GRIK1: variants seen among roughly 807,000 people sequenced by gnomAD.
The protein encoded by GRIK1 is glutamate ionotropic receptor kainate type subunit 1, also known as glutamate receptor ionotropic, kainate 1.
In GRIK1, 69 loss-of-function variants were observed where a neutral mutation model predicts 105.7. The ratio of observed to expected loss-of-function variants is 0.65; its 90% CI spans 0.54 to 0.80. GRIK1 has a LOEUF of 0.80. Among genes scored for constraint, GRIK1 ranks in the 30% least tolerant of loss-of-function variants. GRIK1 has a pLI of 0.00. For missense variants in GRIK1, 1,109 were observed against 1,167.3 expected (o/e 0.95, Z 0.73); for synonymous variants, 438 against 431.3 (o/e 1.02, Z -0.19).
chr21:29,555,158 T>C lies in GRIK1; in HGVS notation c.2501A>G (p.Asn834Ser). 2 of 1,613,912 alleles carry C rather than the reference T, an allele frequency of 1.2e-6. No individual in the cohort carries two copies. Among genetic ancestry groups the C allele is most frequent in the African/African-American group, 2.7e-5 (2 of 75,012 alleles). Residue 834 changes from asparagine to serine, a missense_variant, in exon 16 of 18, where the codon AAT becomes AGT. By Grantham distance (46) the Asn-to-Ser change is conservative. Around this residue, in one of 5 missense-constraint regions of GRIK1, gnomAD observed 161 missense variants for 143.4 expected, o/e 1.12. Transcript: ENST00000327783. ...CAGAACAATGAAGATGCCTCCAATA[T>C]TTTCCACTCCCAGGGCACTGGCTTC... ...NKEASALGVENIGGIFIVLAA... is the reference protein window; with the variant it reads ...NKEASALGVESIGGIFIVLAA...
At chr21:29,868,449 G>A (rs186866762) in intron 1 of GRIK1, among the ~76,000 whole-genome samples, 1 of 152,270 alleles carries the variant, frequency 6.6e-6, no homozygotes, top group African/African-American at 2.4e-5. Context: ...GCGGTATAAT[G>A]TGGATGGATC....
At chr21:29,814,060 GC>G (rs2067084301) in intron 1 of GRIK1, among the ~76,000 whole-genome samples, 1 of 148,426 alleles carries the variant, frequency 6.7e-6, no homozygotes, top group African/African-American at 2.5e-5. Flanking sequence ...GATTACAGGT[GC>G]GTGCCACCAC....
intron 1 of GRIK1, among the ~76,000 whole-genome samples, chr21:29,913,890 T>C (rs1378072075): frequency 2.0e-5 from 3 of 151,932 alleles, no homozygotes; most frequent in Non-Finnish European, 4.4e-5. Flanking sequence ...CAAATGAAAA[T>C]ACATATTCAG....
chr21:29,734,296 C>T (rs931880823), intron 1 of GRIK1, among the ~76,000 whole-genome samples: 2 of 152,200 alleles, frequency 1.3e-5, no homozygotes, highest in African/African-American at 4.8e-5. Flanking sequence ...GGTCCACTTC[C>T]CACACTACAG....
chr21:29,939,193 G>C (rs2071881546), intron 1 of GRIK1, among the ~76,000 whole-genome samples, 190 bp downstream of exon 1: 1 of 152,292 alleles, frequency 6.6e-6, no homozygotes, highest in Middle Eastern at 3.4e-3. Context: ...GGGGAAGGCC[G>C]GCACCCTCCA....
At chr21:29,710,836 C>T (rs1480613647) in intron 1 of GRIK1, among the ~76,000 whole-genome samples, 1 of 82,460 alleles carries the variant, frequency 1.2e-5, no homozygotes, top group Non-Finnish European at 2.5e-5. Flanking sequence ...TCCTTCCTTC[C>T]TTCCTTTTCT....
intron 1 of GRIK1, among the ~76,000 whole-genome samples, chr21:29,787,245 C>T (rs992709572): frequency 6.6e-6 from 1 of 152,148 alleles, no homozygotes; most frequent in Admixed American, 6.5e-5. Context: ...ATGCCATGTC[C>T]TTTCTGACAT....
At position 29,939,840 on chromosome 21, in the gene GRIK1, T is replaced by C; in HGVS notation, c.-340A>G. 4.5e-6 allele frequency: 1 copy of C among 224,320 alleles called. No individual in the cohort carries two copies. Among genetic ancestry groups the C allele is most frequent in the Non-Finnish European group, 8.7e-6 (1 of 114,944 alleles). 13.9% of individuals were successfully genotyped at this position (224,320 alleles called of 1,614,324 possible). On this transcript the variant is annotated 5_prime_UTR_variant, in exon 1 of 18. Coordinates refer to ENST00000327783, the MANE Select transcript of GRIK1 (RefSeq NM_001330994.2). Reference sequence around the variant, plus strand: ...TGCTGCCCCGATCTGCAGGAACGTCTCCCTCATTCGTCCTTTGGTCAGATG... The same window carrying C: ...TGCTGCCCCGATCTGCAGGAACGTCCCCCTCATTCGTCCTTTGGTCAGATG...
chr21:29,841,802 GC>G (rs1483677924), intron 1 of GRIK1, among the ~76,000 whole-genome samples: 1 of 151,840 alleles, frequency 6.6e-6, no homozygotes, highest in Non-Finnish European at 1.5e-5. Flanking sequence ...TTCTCTCTTT[GC>G]CCCTCCCTCT....
chr21:29,799,372 A>G (rs972121739), intron 1 of GRIK1, among the ~76,000 whole-genome samples: 1 of 152,172 alleles, frequency 6.6e-6, no homozygotes, highest in African/African-American at 2.4e-5. Context: ...AATATCTTCC[A>G]CTTAACATGT....
In GRIK1 at chr21:29,537,889, T is replaced by TAAAAA; in HGVS notation, c.2608-10_2608-6dup. 1 of 1,029,846 alleles carries TAAAAA rather than the reference T, an allele frequency of 9.7e-7. No individual in the cohort carries two copies. Among genetic ancestry groups the TAAAAA allele is most frequent in the Non-Finnish European group, 1.4e-6 (1 of 710,258 alleles). 63.8% of individuals were successfully genotyped at this position (1,029,846 alleles called of 1,614,324 possible). Reference sequence around the variant, plus strand: ...AATTCTTGATGACTTTCCTTTCTGATAAAAAAAAAAGAAAAAAAAACAATT... The same window carrying TAAAAA: ...AATTCTTGATGACTTTCCTTTCTGATAAAAAAAAAAAAAAAGAAAAAAAAACAATT... On this transcript the variant is annotated splice_polypyrimidine_tract_variant and splice_region_variant and intron_variant, in intron 16 of 17. Transcript: ENST00000327783.
At chr21:29,927,303 G>A (rs537084318) in intron 1 of GRIK1, among the ~76,000 whole-genome samples, 1 of 150,980 alleles carries the variant, frequency 6.6e-6, no homozygotes, top group African/African-American at 2.4e-5. Flanking sequence ...GTTGTACTGT[G>A]TGTAATGATA....
At chr21:29,790,464 T>G (rs755658004) in intron 1 of GRIK1, among the ~76,000 whole-genome samples, 2 of 136,442 alleles carry the variant, frequency 1.5e-5, no homozygotes, top group Non-Finnish European at 3.1e-5. Context: ...TCTTTCTTTC[T>G]TTTTTTTTTT....
intron 1 of GRIK1, among the ~76,000 whole-genome samples, chr21:29,749,381 A>G (rs977258738): frequency 1.3e-5 from 2 of 152,234 alleles, no homozygotes; most frequent in African/African-American, 4.8e-5. Flanking sequence ...TTTGTCACCG[A>G]TCTAACGTAG....
chr21:29,713,710 C>T (rs1028686017), intron 1 of GRIK1, among the ~76,000 whole-genome samples: 10 of 152,206 alleles, frequency 6.6e-5, no homozygotes, highest in East Asian at 1.9e-4. Context: ...AATTTTGAGA[C>T]GGCACAAATG....
intron 13 of GRIK1, among the ~76,000 whole-genome samples, chr21:29,580,770 CAAAAG>C (rs1265062929): frequency 6.6e-6 from 1 of 151,814 alleles, no homozygotes; most frequent in African/African-American, 2.4e-5. Flanking sequence ...AAAAAAATCA[CAAAAG>C]AAATGGAGTT....
chr21:29,676,292 G>C (rs1213371248), intron 3 of GRIK1, among the ~76,000 whole-genome samples: 3 of 152,142 alleles, frequency 2.0e-5, no homozygotes, highest in African/African-American at 7.2e-5. Flanking sequence ...TGGAAACTGG[G>C]GGAAGAACAA....
intron 4 of GRIK1, chr21:29,657,315 G>A (rs2062873209): frequency 1.3e-5 from 2 of 152,092 alleles, no homozygotes; most frequent in Non-Finnish European, 2.9e-5. Flanking sequence ...TGGAGGCTTT[G>A]GATCCCCTGT....
At chr21:29,596,308 A>G (rs1221533019) in intron 9 of GRIK1, 5 of 679,648 alleles carry the variant, frequency 7.4e-6, no homozygotes, top group Non-Finnish European at 1.1e-5. Flanking sequence ...TATTTAATCC[A>G]TAATTATTTA....
Sources: gnomAD v4.1 joint callset for allele counts (sites outside exome capture counted in the v4.1 genomes callset) on GRCh38, gnomAD v4.1.1 for gene constraint, gnomAD v4.1.1 regional missense constraint, MANE v1.5 for transcripts, NCBI Gene and HGNC (gene_info 2026-07-23, HGNC 2026-07-21) for gene names.